Variants in TCERG1L observed in about 807,000 individuals in gnomAD.
TCERG1L encodes transcription elongation regulator 1-like protein.
TCERG1L carries 37 observed loss-of-function variants against 56.3 expected under a neutral mutation model. That is an observed-to-expected ratio of 0.66 (90% confidence interval 0.51 to 0.87). The LOEUF (loss-of-function observed/expected upper bound fraction) is 0.87. TCERG1L is among the 40% of genes least tolerant of loss of function. TCERG1L has a pLI of 0.00. For missense variants in TCERG1L, 799 were observed against 774.2 expected, an observed-to-expected ratio of 1.03 and a Z score of -0.38; for synonymous variants, 324 against 326.3, an observed-to-expected ratio of 0.99 and a Z score of 0.08.
chr10:131,253,080 A>T (rs1406706093), intron 4 of TCERG1L, among the ~76,000 whole-genome samples: 1 of 152,204 alleles, frequency 6.6e-6, no homozygotes, highest in Non-Finnish European at 1.5e-5. Context: ...TCCTCAGCAC[A>T]GTAGGCATCC....
In TCERG1L at chr10:131,259,269, ATG is replaced by A. The variant is rs146148154; in HGVS notation, c.856+988_856+989del. On this transcript the variant is annotated intron_variant, in intron 4 of 11. Coordinates refer to ENST00000368642, the MANE Select transcript of TCERG1L (RefSeq NM_174937.4). ...ACCATAAAGTAGTAGGTATATATTT[ATG>A]TGTGTGTGTGTCTATCACAGTCTAG... is the stretch of plus-strand genomic sequence containing the variant. Among the ~76,000 whole-genome samples, 8 of 152,252 alleles carry A rather than the reference ATG, an allele frequency of 5.3e-5. No homozygotes were observed. In the East Asian group the frequency reaches 1.2e-3, roughly 22 times the overall value.
chr10:131,099,648 C>T (rs1278013173), intron 10 of TCERG1L, among the ~76,000 whole-genome samples: 1 of 152,158 alleles, frequency 6.6e-6, no homozygotes, highest in African/African-American at 2.4e-5. Context: ...TCGACCCCAG[C>T]ACTGCTCAGC....
chr10:131,173,858 C>T (rs1436476994), intron 4 of TCERG1L, among the ~76,000 whole-genome samples: 1 of 152,180 alleles, frequency 6.6e-6, no homozygotes, highest in Non-Finnish European at 1.5e-5. Context: ...AAAGCCAAAT[C>T]CCGCTGGTGA....
chr10:131,148,663 C>T (rs2133416919), intron 6 of TCERG1L, among the ~76,000 whole-genome samples: 1 of 101,806 alleles, frequency 9.8e-6, no homozygotes, highest in African/African-American at 3.0e-5. Flanking sequence ...TCGGGAGATG[C>T]CTGGCCTTGA....
chr10:131,265,919 C>T (rs1846280422), intron 3 of TCERG1L, among the ~76,000 whole-genome samples: 1 of 152,240 alleles, frequency 6.6e-6, no homozygotes, highest in African/African-American at 2.4e-5. Context: ...CATTGATGGA[C>T]TCTTCCTTTC....
chr10:131,244,791 C>T (rs189842687), intron 4 of TCERG1L, among the ~76,000 whole-genome samples: 81 of 152,220 alleles, frequency 5.3e-4, no homozygotes, highest in African/African-American at 1.6e-3. Context: ...TCAACAGTGC[C>T]GTGGACTAGT....
rs571172792 is a variant in TCERG1L, at chr10:131,178,247, G to A, written c.857-11362C>T. 9.9e-5 allele frequency among the ~76,000 whole-genome samples: 15 copies of A among 152,278 alleles called. No individual in the cohort carries two copies. The East Asian group carries it at 1.2e-3, about 12-fold the overall frequency. ...AGGGTTAGCACAAGACAGTGACAGC[G>A]GTGACCCTGCCAGGTGCTTGGAGGG... On this transcript the variant is annotated intron_variant, in intron 4 of 11. Coordinates refer to ENST00000368642, the MANE Select transcript of TCERG1L (RefSeq NM_174937.4).
intron 4 of TCERG1L, among the ~76,000 whole-genome samples, chr10:131,256,992 G>GGAAGGAAAGAAAAGAAAGAAA (rs1846173015): frequency 1.6e-3 from 97 of 59,218 alleles, no homozygotes; most frequent in African/African-American, 5.2e-3. Context: ...AAGGAAGGAA[G>GGAAGGAAAGAAAAGAAAGAAA]GAAAGAAAGA....
At chr10:131,207,726 G>A (rs938431993) in intron 4 of TCERG1L, among the ~76,000 whole-genome samples, 2 of 152,134 alleles carry the variant, frequency 1.3e-5, no homozygotes, top group Admixed American at 1.3e-4. Flanking sequence ...TGGGGCTGAG[G>A]TCCATGCGAC....
At chr10:131,245,576 A>G (rs529252849) in intron 4 of TCERG1L, among the ~76,000 whole-genome samples, 42 of 152,254 alleles carry the variant, frequency 2.8e-4, no homozygotes, top group African/African-American at 7.9e-4. Context: ...CCAAGCCCGC[A>G]GCTCACGGTC....
At chr10:131,148,427 G>A (rs201738580) in intron 6 of TCERG1L, among the ~76,000 whole-genome samples, 1 of 150,390 alleles carries the variant, frequency 6.6e-6, no homozygotes, top group East Asian at 2.0e-4. Context: ...TGCACACAGA[G>A]ACACACACAT....
At chr10:131,245,804 T>C (rs1022738553) in intron 4 of TCERG1L, among the ~76,000 whole-genome samples, 3 of 152,118 alleles carry the variant, frequency 2.0e-5, no homozygotes, top group African/African-American at 7.2e-5. Context: ...GGGGCCTTTG[T>C]ATCAGAGCTC....
Position 131,107,198 on chromosome 10 carries a change from T to A in TCERG1L, c.1396-2844A>T, listed in dbSNP as rs1589775978. On this transcript the variant is annotated intron_variant, in intron 9 of 11. Coordinates refer to ENST00000368642, the MANE Select transcript of TCERG1L (RefSeq NM_174937.4). ...TATGGGCAGCCACCACTCAGCCCAA[T>A]AAGATGGCACACACCCACCTCACGG... Among the ~76,000 whole-genome samples the A allele has an allele frequency of 5.3e-5, 8 of 152,268 alleles. 1 individual carries two copies. The highest frequency in any genetic ancestry group is 1.9e-4 in the African/African-American group (8 of 41,532).
chr10:131,149,037 T>C (rs1321228089), intron 6 of TCERG1L, among the ~76,000 whole-genome samples: 3 of 151,594 alleles, frequency 2.0e-5, no homozygotes, highest in East Asian at 1.9e-4. Context: ...TGGCAAACTT[T>C]CCAGCTCCAG....
At chr10:131,270,030 A>G (rs1309795670) in intron 3 of TCERG1L, among the ~76,000 whole-genome samples, 2 of 152,202 alleles carry the variant, frequency 1.3e-5, no homozygotes, top group Non-Finnish European at 2.9e-5. Context: ...GTTTACTGAT[A>G]AACATGCAAC....
At chr10:131,224,686 T>C (rs1845773092) in intron 4 of TCERG1L, among the ~76,000 whole-genome samples, 1 of 152,138 alleles carries the variant, frequency 6.6e-6, no homozygotes, top group Admixed American at 6.5e-5. Flanking sequence ...CCTGGGAGGA[T>C]GGCACAGGCC....
chr10:131,135,928 G>A (rs890995839), intron 7 of TCERG1L, among the ~76,000 whole-genome samples: 2 of 152,232 alleles, frequency 1.3e-5, no homozygotes, highest in African/African-American at 4.8e-5. Context: ...GGAGCTTCCT[G>A]GCTTTTCAGC....
chr10:131,254,180 G>A (rs1846144407), intron 4 of TCERG1L, among the ~76,000 whole-genome samples: 2 of 151,986 alleles, frequency 1.3e-5, no homozygotes, highest in Non-Finnish European at 2.9e-5. Flanking sequence ...CATCAGGCCT[G>A]GGGGACAAAT....
intron 4 of TCERG1L, among the ~76,000 whole-genome samples, chr10:131,252,842 C>T (rs769616254): frequency 5.3e-5 from 8 of 152,242 alleles, no homozygotes; most frequent in Non-Finnish European, 1.0e-4. Flanking sequence ...TGCACAGTGA[C>T]CAGCCTCCTT....
Sources: allele counts gnomAD v4.1 joint callset (sites outside exome capture counted in the v4.1 genomes callset), GRCh38; gene constraint gnomAD v4.1.1; transcripts MANE v1.5; gene names NCBI Gene and HGNC (gene_info 2026-07-23, HGNC 2026-07-21).